APOF: variants seen among roughly 807,000 people sequenced by gnomAD.
The protein encoded by APOF is lipid transfer inhibitor protein.
In APOF, 2 loss-of-function variants were observed where a neutral mutation model predicts 2.4. The ratio of observed to expected loss-of-function variants is 0.83; its 90% CI spans 0.34 to 2.61. The LOEUF (loss-of-function observed/expected upper bound fraction) is 2.61. Among genes scored for constraint, APOF ranks in the 30% most tolerant of loss-of-function variants. APOF has a pLI of 0.11. For missense variants in APOF, 370 were observed against 388.7 expected, an observed-to-expected ratio of 0.95 and a Z score of 0.40; for synonymous variants, 149 against 155.6, an observed-to-expected ratio of 0.96 and a Z score of 0.32.
Position 56,362,817 on chromosome 12 carries a change from G to A in APOF, c.-72C>T. 1.3e-6 allele frequency: 2 copies of A among 1,564,018 alleles called. No individual in the cohort carries two copies. On this transcript the variant is annotated 5_prime_UTR_variant, in exon 1 of 2. Transcript: ENST00000398189. ...TTCTGCCTAGTTCTGTGTCCCATGAGGAAAGGAGATATTTGCTTTCCCCTA... is the reference window on the plus strand; with the variant it reads ...TTCTGCCTAGTTCTGTGTCCCATGAAGAAAGGAGATATTTGCTTTCCCCTA...
rs1412354584 is a variant in APOF at position 56,361,245 on chromosome 12, C to A, written c.961G>T (p.Ala321Ser). The stretch of plus-strand genomic sequence containing the variant: ...TTCTTTTATATCTCAAGACTCCCAG[C>A]CCCAGGATCTAAGTCATAGCTCTTG... ...IIKSYDLDPG[A>S]GSLEI Residue 321 changes from alanine (A) to serine (S), a missense_variant, in exon 2 of 2, where the codon GCT (alanine) becomes TCT (serine). Ala to Ser is a moderately conservative substitution (Grantham distance 99, BLOSUM62 1). Coordinates refer to ENST00000398189, the MANE Select transcript of APOF (RefSeq NM_001638.4). 2 of 1,613,326 alleles carry A rather than the reference C, an allele frequency of 1.2e-6. No individual in the cohort carries two copies. The highest frequency in any genetic ancestry group is 2.7e-5 in the African/African-American group (2 of 74,882).
chr12:56,362,193 G>T lies in APOF; in HGVS notation c.17-4C>A. Reference sequence around the variant, plus strand: ...CGCATGTCTGGAGCAGAGTACCCTAGAAAGGGGAGAAATCCGAAACATACA... The same window carrying T: ...CGCATGTCTGGAGCAGAGTACCCTATAAAGGGGAGAAATCCGAAACATACA... On this transcript the variant is annotated splice_region_variant and splice_polypyrimidine_tract_variant and intron_variant, in intron 1 of 1. Transcript: ENST00000398189. The T allele has an allele frequency of 6.2e-7, 1 of 1,608,760 alleles. No homozygotes were observed. The highest frequency in any genetic ancestry group is 1.1e-5 in the South Asian group (1 of 90,874).
chr12:56,361,239 T>A lies in APOF; in HGVS notation c.967A>T (p.Ser323Cys). Reference sequence around the variant, plus strand: ...ACCACATTCTTTTATATCTCAAGACTCCCAGCCCCAGGATCTAAGTCATAG... The same window carrying A: ...ACCACATTCTTTTATATCTCAAGACACCCAGCCCCAGGATCTAAGTCATAG... ...KSYDLDPGAG[S>C]LEI The change falls in exon 2 of 2, where the codon AGT (serine) becomes TGT (cysteine). Residue 323 changes from serine to cysteine, a missense_variant. Transcript: ENST00000398189. 5.0e-6 allele frequency: 8 copies of A among 1,613,296 alleles called. No individual in the cohort carries two copies. In the South Asian group the frequency reaches 8.8e-5, roughly 18 times the overall value.
At position 56,362,255 on chromosome 12, in the gene APOF, CAGTT is replaced by C. The variant is rs1880423499; in HGVS notation, c.17-70_17-67del. The C allele has an allele frequency of 6.5e-6, 10 of 1,546,904 alleles. 1 individual carries two copies. Among genetic ancestry groups the C allele is most frequent in the Admixed American group, 3.6e-5 (2 of 55,428 alleles). On this transcript the variant is annotated intron_variant, in intron 1 of 1. Coordinates refer to ENST00000398189, the MANE Select transcript of APOF (RefSeq NM_001638.4). ...TAAGGGCGATGGTGAGCCCAAGACT[CAGTT>C]AGGGGGACACCTCATACATCACCTG...
chr12:56,362,655 AC>A, intron 1 of APOF, 74 bp downstream of exon 1: 1 of 1,500,038 alleles, frequency 6.7e-7, no homozygotes, highest in South Asian at 1.1e-5. Context: ...AGTTGCTCCC[AC>A]TTGGTCTCCC....
rs970113810 is a variant in APOF at position 56,362,710 on chromosome 12, A to G, written c.16+20T>C. The G allele has an allele frequency of 3.7e-6, 6 of 1,613,634 alleles. No homozygotes were observed. Among genetic ancestry groups the G allele is most frequent in the Admixed American group, 1.7e-5 (1 of 59,994 alleles). On this transcript the variant is annotated intron_variant, in intron 1 of 1. Coordinates refer to ENST00000398189, the MANE Select transcript of APOF (RefSeq NM_001638.4). ...GGACTTCTGTTTTATTTCCACCCAT[A>G]TATAGGGACCCCAAATTACCACACA...
chr12:56,362,330 G>A (rs1880425043), intron 1 of APOF, 141 bp from the exon 2 acceptor site: 1 of 1,053,832 alleles, frequency 9.5e-7, no homozygotes, highest in Non-Finnish European at 1.3e-6. Flanking sequence ...GTCTTGCTCT[G>A]TTGCCCAGAC....
At position 56,361,235 on chromosome 12, in the gene APOF, A is replaced by G. The variant is rs763261550; in HGVS notation, c.971T>C (p.Leu324Pro). ...SYDLDPGAGS[L>P]EI ...GGTTACCACATTCTTTTATATCTCA[A>G]GACTCCCAGCCCCAGGATCTAAGTC... The change falls in exon 2 of 2, where the codon CTT (leucine) becomes CCT (proline). Residue 324 changes from leucine (L) to proline (P), a missense_variant. Physicochemically the swap from Leu to Pro is moderately conservative, Grantham distance 98 (BLOSUM62 -3). Coordinates refer to ENST00000398189, the MANE Select transcript of APOF (RefSeq NM_001638.4). The G allele has an allele frequency of 3.7e-6, 6 of 1,612,728 alleles. No homozygotes were observed. Among genetic ancestry groups the G allele is most frequent in the Admixed American group, 1.7e-5 (1 of 59,836 alleles).
In APOF at chr12:56,361,560, C is replaced by A; in HGVS notation, c.646G>T (p.Asp216Tyr). The change falls in exon 2 of 2, where the codon GAT (aspartate) becomes TAT (tyrosine). Residue 216 changes from aspartate (D) to tyrosine (Y), a missense_variant. Transcript: ENST00000398189. ...TCATATCCCAGATCTATGGCCCCAT[C>A]TCGGCCTCGTTCCCTGGCCTTGCCC... ...CLGKARERGR[D>Y]GAIDLGYDLL... is the part of the protein sequence containing the mutation. 1 of 1,614,098 alleles carries A rather than the reference C, an allele frequency of 6.2e-7. No homozygotes were observed. The highest frequency in any genetic ancestry group is 2.2e-5 in the East Asian group (1 of 44,892).
In APOF at chr12:56,362,769, G is replaced by A; in HGVS notation, c.-24C>T. 1 of 1,613,690 alleles carries A rather than the reference G, an allele frequency of 6.2e-7. No homozygotes were observed. Among genetic ancestry groups the A allele is most frequent in the Non-Finnish European group, 8.5e-7 (1 of 1,179,746 alleles). ...ATTGAGAAGTGAGACTGCCTTGGTA[G>A]GTTTGATCGCTTCCTGATCCTGTTC... is the stretch of plus-strand genomic sequence containing the variant. On this transcript the variant is annotated 5_prime_UTR_variant, in exon 1 of 2. Coordinates refer to ENST00000398189, the MANE Select transcript of APOF (RefSeq NM_001638.4).
At position 56,361,397 on chromosome 12, in the gene APOF, T is replaced by G. The variant is rs1382304730; in HGVS notation, c.809A>C (p.Gln270Pro). Residue 270 changes from glutamine to proline, a missense_variant, in exon 2 of 2, where the codon CAG becomes CCG. Physicochemically the swap from Gln to Pro is moderately conservative, Grantham distance 76. Transcript: ENST00000398189. The stretch of plus-strand genomic sequence containing the variant: ...CAAACCCTCCTTGGTGGTCTCCGGC[T>G]GAGAGATGTTTGCGTCTTTCTGATC... ...YQDQKDANIS[Q>P]PETTKEGLRA... 10 of 1,613,932 alleles carry G rather than the reference T, an allele frequency of 6.2e-6. No individual in the cohort carries two copies. The highest frequency in any genetic ancestry group is 1.3e-5 in the African/African-American group (1 of 74,942).
intron 1 of APOF, 112 bp from the exon 2 acceptor site, chr12:56,362,301 C>T: frequency 7.6e-7 from 1 of 1,314,340 alleles, no homozygotes. Flanking sequence ...AGCTTTTGTA[C>T]TTTCTTTTTA....
chr12:56,361,347 A>G lies in APOF; in HGVS notation c.859T>C (p.Leu287=), dbSNP rs1880323279. 6.2e-7 allele frequency: 1 copy of G among 1,614,040 alleles called. No homozygotes were observed. Among genetic ancestry groups the G allele is most frequent in the East Asian group, 2.2e-5 (1 of 44,890 alleles). The change falls in exon 2 of 2, where the codon TTG becomes CTG. Residue 287 remains leucine (L), a synonymous_variant. Transcript: ENST00000398189. ...GLRAISDVSD[L]EETTTLASFI... ...GAAGCCAGAGTAGTTGTTTCTTCCAAGTCACTCACATCTGAGATGGCCCTC... is the reference window on the plus strand; with the variant it reads ...GAAGCCAGAGTAGTTGTTTCTTCCAGGTCACTCACATCTGAGATGGCCCTC...
At position 56,361,211 on chromosome 12, in the gene APOF, G is replaced by GT. The variant is rs1260370183; in HGVS notation, c.*13dup. The GT allele has an allele frequency of 6.2e-7, 1 of 1,607,110 alleles. No homozygotes were observed. Among genetic ancestry groups the GT allele is most frequent in the Non-Finnish European group, 8.5e-7 (1 of 1,176,426 alleles). ...GGGTAGTACAGTTATTAATTCTGTG[G>GT]TTACCACATTCTTTTATATCTCAAG... On this transcript the variant is annotated 3_prime_UTR_variant, in exon 2 of 2. Coordinates refer to ENST00000398189, the MANE Select transcript of APOF (RefSeq NM_001638.4).
rs764145205 is a variant in APOF at position 56,362,237 on chromosome 12, G to A, written c.17-48C>T. On this transcript the variant is annotated intron_variant, in intron 1 of 1. Coordinates refer to ENST00000398189, the MANE Select transcript of APOF (RefSeq NM_001638.4). ...ACATACAAACCATTTCCCTAAGGGC[G>A]ATGGTGAGCCCAAGACTCAGTTAGG... The A allele has an allele frequency of 7.4e-5, 117 of 1,575,784 alleles. No individual in the cohort carries two copies. The Admixed American group carries it at 1.5e-3, about 20-fold the overall frequency.
rs145849980 is a variant in APOF, at chr12:56,362,261, G to A, written c.17-72C>T. 1,025 of 1,528,914 alleles carry A rather than the reference G, an allele frequency of 6.7e-4. 3 individuals are homozygous for A. In the African/African-American group the frequency reaches 9.4e-3, roughly 14 times the overall value. 94.7% of individuals were successfully genotyped at this position (1,528,914 alleles called of 1,614,324 possible). The stretch of plus-strand genomic sequence containing the variant: ...CGATGGTGAGCCCAAGACTCAGTTA[G>A]GGGGACACCTCATACATCACCTGCT... On this transcript the variant is annotated intron_variant, in intron 1 of 1. Transcript: ENST00000398189.
In APOF at chr12:56,362,111, T is replaced by G. The variant is rs1164225858; in HGVS notation, c.95A>C (p.His32Pro). 1.2e-6 allele frequency: 2 copies of G among 1,613,912 alleles called. No individual in the cohort carries two copies. The highest frequency in any genetic ancestry group is 3.3e-5 in the Admixed American group (2 of 60,016). ...TCCATATGAAGTGGCATCCACAGGG[T>G]GCAGCAGGAGGTAGCAAAGTAGCAG... is the stretch of plus-strand genomic sequence containing the variant. The part of the protein sequence containing the change: ...VELLLCYLLL[H>P]PVDATSYGKQ... Residue 32 changes from histidine (H) to proline (P), a missense_variant, in exon 2 of 2, where the codon CAC becomes CCC. His to Pro is a moderately conservative substitution (Grantham distance 77). Transcript: ENST00000398189.
chr12:56,362,740 A>C lies in APOF; in HGVS notation c.6T>G (p.Thr2=). 4 of 1,613,948 alleles carry C rather than the reference A, an allele frequency of 2.5e-6. No individual in the cohort carries two copies. Among genetic ancestry groups the C allele is most frequent in the Non-Finnish European group, 3.4e-6 (4 of 1,179,846 alleles). The change falls in exon 1 of 2, where the codon ACT becomes ACG. Residue 2 remains threonine, a synonymous_variant. Coordinates refer to ENST00000398189, the MANE Select transcript of APOF (RefSeq NM_001638.4). ...GGGACCCCAAATTACCACACAGTCC[A>C]GTCATTGAGAAGTGAGACTGCCTTG... M[T]GLCGYSAPDM... is the part of the protein sequence containing the mutation.
At position 56,362,191 on chromosome 12, in the gene APOF, T is replaced by C; in HGVS notation, c.17-2A>G. The C allele has an allele frequency of 6.2e-7, 1 of 1,609,626 alleles. No individual in the cohort carries two copies. ...CACGCATGTCTGGAGCAGAGTACCC[T>C]AGAAAGGGGAGAAATCCGAAACATA... On this transcript the variant is annotated splice_acceptor_variant, in intron 1 of 1. Transcript: ENST00000398189. LOFTEE classifies it high-confidence loss of function.
Sources: allele counts gnomAD v4.1 joint callset, GRCh38; gene constraint gnomAD v4.1.1; transcripts MANE v1.5; gene names NCBI Gene and HGNC (gene_info 2026-07-23, HGNC 2026-07-21).